The following PVT1 variants were observed in gnomAD, a reference collection of about 807,000 sequenced individuals.
PVT1 encodes the protein Pvt1 oncogene.
intron 3 of PVT1, among the ~76,000 whole-genome samples, chr8:127,949,747 C>T (rs900983320): frequency 2.4e-4 from 37 of 152,356 alleles, no homozygotes; most frequent in African/African-American, 7.7e-4. Flanking sequence ...GCCTCTTTTA[C>T]GAAGCGGCTG....
intron 3 of PVT1, among the ~76,000 whole-genome samples, chr8:127,891,772 C>A (rs1016067692): frequency 6.6e-6 from 1 of 152,174 alleles, no homozygotes; most frequent in African/African-American, 2.4e-5. Flanking sequence ...AGCTGGTTGG[C>A]GTGGACAGTT....
rs934556989 is a variant in PVT1, at chr8:127,898,015, C to A, written n.782+7017C>A. Among the ~76,000 whole-genome samples the A allele has an allele frequency of 1.4e-5, 2 of 146,572 alleles. No homozygotes were observed. The highest frequency in any genetic ancestry group is 5.1e-5 in the African/African-American group (2 of 39,490). The stretch of plus-strand genomic sequence containing the variant: ...GAAAGAAGATTCATTATTCTGTCCT[C>A]TGAACCTGAGTGAAGAAATATACTC... On this transcript the variant is annotated intron_variant and non_coding_transcript_variant, in intron 3 of 10. Coordinates refer to ENST00000651587, the Ensembl canonical transcript of PVT1. This position sits in a 1 kb window ranked among gnomAD's most constrained non-coding sequence, Gnocchi z 4.4.
At chr8:128,091,343 C>T (rs1304466879) in intron 5 of PVT1, among the ~76,000 whole-genome samples, 1 of 152,196 alleles carries the variant, frequency 6.6e-6, no homozygotes, top group Non-Finnish European at 1.5e-5. Flanking sequence ...GCTAAGCCTG[C>T]ACTGCTATGG....
intron 2 of PVT1, among the ~76,000 whole-genome samples, chr8:127,840,257 C>T (rs543012076): frequency 1.7e-4 from 26 of 152,320 alleles, no homozygotes; most frequent in African/African-American, 6.0e-4. Flanking sequence ...TAGGTGTGAA[C>T]AGTCACCCCT....
At chr8:128,058,765 C>T (rs1813793003) in intron 4 of PVT1, among the ~76,000 whole-genome samples, 1 of 152,138 alleles carries the variant, frequency 6.6e-6, no homozygotes, top group Non-Finnish European at 1.5e-5. Flanking sequence ...GCGGAGTTTC[C>T]TTTCAAAAAG....
intron 4 of PVT1, among the ~76,000 whole-genome samples, chr8:128,042,920 C>T (rs954020373): frequency 6.6e-6 from 1 of 151,992 alleles, no homozygotes; most frequent in South Asian, 2.1e-4. Context: ...TGCACCACCA[C>T]ACCTGGCTAA....
chr8:127,860,741 G>C (rs1032795564), intron 2 of PVT1, among the ~76,000 whole-genome samples: 61 of 150,026 alleles, frequency 4.1e-4, no homozygotes, highest in African/African-American at 1.4e-3. Context: ...CTCCAGCCTG[G>C]GTGACAGAGC....
chr8:127,915,711 T>C (rs1477940438), intron 3 of PVT1, among the ~76,000 whole-genome samples: 2 of 151,962 alleles, frequency 1.3e-5, no homozygotes, highest in Non-Finnish European at 2.9e-5. Context: ...TTAGCCCCAT[T>C]CTACAGATGA....
At chr8:127,979,727 C>T (rs973385964) in intron 3 of PVT1, among the ~76,000 whole-genome samples, 1 of 152,204 alleles carries the variant, frequency 6.6e-6, no homozygotes, top group Admixed American at 6.5e-5. Context: ...CCGACCCCAC[C>T]ACCCAAAGGA....
intron 4 of PVT1, among the ~76,000 whole-genome samples, chr8:128,061,079 T>C (rs1207439578): frequency 6.6e-6 from 1 of 152,160 alleles, no homozygotes; most frequent in African/African-American, 2.4e-5. Flanking sequence ...CCAGCTCAGT[T>C]TTGTATTTTT....
chr8:127,833,102 T>C (rs542617128), intron 2 of PVT1, among the ~76,000 whole-genome samples: 1 of 152,316 alleles, frequency 6.6e-6, no homozygotes, highest in Admixed American at 6.5e-5. Flanking sequence ...TCTTGGCCAC[T>C]TGGGGCTCTG....
intron 2 of PVT1, among the ~76,000 whole-genome samples, chr8:127,832,481 T>C (rs1814860981): frequency 2.6e-5 from 4 of 152,240 alleles, no homozygotes; most frequent in Admixed American, 2.0e-4. Flanking sequence ...GCAAGTGGTT[T>C]TGTGACTGAT....
chr8:127,832,807 G>T (rs1814867998), intron 2 of PVT1, among the ~76,000 whole-genome samples: 1 of 152,008 alleles, frequency 6.6e-6, no homozygotes, highest in African/African-American at 2.4e-5. Flanking sequence ...GCAGTGAGCT[G>T]AGATCGCACC....
chr8:127,851,346 G>A (rs1815105376), intron 2 of PVT1, among the ~76,000 whole-genome samples: 1 of 152,176 alleles, frequency 6.6e-6, no homozygotes. Flanking sequence ...AAGGGCCATG[G>A]AATTAGAGAA....
intron 2 of PVT1, among the ~76,000 whole-genome samples, chr8:127,827,669 G>A (rs1469908951): frequency 3.9e-5 from 6 of 152,198 alleles, no homozygotes; most frequent in Admixed American, 6.5e-5. Flanking sequence ...CCCCATGCAC[G>A]GAGTTGGCAG....
chr8:127,983,507 C>T (rs1057316775), intron 3 of PVT1, among the ~76,000 whole-genome samples: 1 of 151,972 alleles, frequency 6.6e-6, no homozygotes, highest in Non-Finnish European at 1.5e-5. Flanking sequence ...TTAAAACTTG[C>T]AGAAAAAAAT....
rs555698943 is a variant in PVT1 at position 127,828,611 on chromosome 8, C to T, written n.372+32540C>T. Reference sequence around the variant, plus strand: ...CTTCACGGTGGTTTTGGGAGCCAAGCGAGGCCAGGTTTTTCTATAAACGTG... The same window carrying T: ...CTTCACGGTGGTTTTGGGAGCCAAGTGAGGCCAGGTTTTTCTATAAACGTG... On this transcript the variant is annotated intron_variant and non_coding_transcript_variant, in intron 2 of 10. Transcript: ENST00000651587. Among the ~76,000 whole-genome samples, 7 of 152,004 alleles carry T rather than the reference C, an allele frequency of 4.6e-5. No homozygotes were observed. The East Asian group carries it at 7.7e-4, about 17-fold the overall frequency.
chr8:128,031,364 C>T (rs1022578675), intron 4 of PVT1, among the ~76,000 whole-genome samples: 7 of 152,204 alleles, frequency 4.6e-5, no homozygotes, highest in African/African-American at 1.7e-4. Context: ...AAAGTGAAAG[C>T]GACCCAGGAA....
chr8:127,840,071 C>G (rs1388896236), intron 2 of PVT1, among the ~76,000 whole-genome samples: 3 of 152,152 alleles, frequency 2.0e-5, no homozygotes, highest in Non-Finnish European at 4.4e-5. Context: ...TACCCAAGTC[C>G]CAATGGCTGG....
Sources: allele counts gnomAD v4.1 joint callset (sites outside exome capture counted in the v4.1 genomes callset), GRCh38; gene constraint gnomAD v4.1.1; non-coding constraint Gnocchi (gnomAD v3.1); transcripts MANE v1.5; gene names NCBI Gene and HGNC (gene_info 2026-07-23, HGNC 2026-07-21).